Variants in AOAH observed in about 807,000 individuals in gnomAD.
The protein encoded by AOAH is acyloxyacyl hydrolase (neutrophil).
A neutral mutation model predicts 92.2 loss-of-function variants in AOAH; 64 were observed. The ratio of observed to expected loss-of-function variants is 0.69; its 90% confidence interval spans 0.57 to 0.86. AOAH has a LOEUF of 0.86. Ranked by LOEUF, AOAH falls within the 40% of genes least tolerant of loss-of-function variation. AOAH has a pLI of 0.00. For missense variants in AOAH, 656 were observed against 694.6 expected (o/e 0.94, Z 0.62); for synonymous variants, 263 against 254.5 (o/e 1.03, Z -0.32).
intron 13 of AOAH, among the ~76,000 whole-genome samples, chr7:36,551,597 T>C (rs921125824): frequency 7.9e-5 from 12 of 152,222 alleles, no homozygotes; most frequent in African/African-American, 2.4e-4. Flanking sequence ...AGGCACCTCA[T>C]GTAGATGGCT....
chr7:36,521,125 G>A (rs1217434961), intron 20 of AOAH, among the ~76,000 whole-genome samples: 1 of 152,096 alleles, frequency 6.6e-6, no homozygotes, highest in Non-Finnish European at 1.5e-5. Context: ...CAGCCCTCCT[G>A]TGGCCTAGGT....
At chr7:36,715,271 C>T (rs1197756432) in intron 1 of AOAH, among the ~76,000 whole-genome samples, 9 of 152,062 alleles carry the variant, frequency 5.9e-5, no homozygotes, top group Non-Finnish European at 8.8e-5. Flanking sequence ...TTACAAGGGA[C>T]ATGAAGGACC....
At chr7:36,641,904 G>C (rs139818063) in intron 4 of AOAH, among the ~76,000 whole-genome samples, 1 of 152,236 alleles carries the variant, frequency 6.6e-6, no homozygotes, top group East Asian at 1.9e-4. Context: ...TTGATCATCA[G>C]AGCACACAGT....
At chr7:36,587,512 T>C (rs1789429612) in intron 12 of AOAH, among the ~76,000 whole-genome samples, 1 of 152,152 alleles carries the variant, frequency 6.6e-6, no homozygotes, top group Non-Finnish European at 1.5e-5. Flanking sequence ...TTGGCCTGTC[T>C]TGCACTTTTA....
At chr7:36,592,320 C>A (rs1789800887) in intron 12 of AOAH, among the ~76,000 whole-genome samples, 1 of 152,106 alleles carries the variant, frequency 6.6e-6, no homozygotes, top group South Asian at 2.1e-4. Context: ...CAGGTAAAGA[C>A]AACAGAGGCT....
chr7:36,576,982 C>T (rs1005069677), intron 12 of AOAH, among the ~76,000 whole-genome samples: 1 of 151,088 alleles, frequency 6.6e-6, no homozygotes. Context: ...AATTGCTCAC[C>T]TTTACCGACT....
chr7:36,544,802 A>T lies in AOAH; in HGVS notation c.1133+3810T>A, dbSNP rs150037628. ...TTACCCTGGCAGGTAAGCCAGCCAG[A>T]TTTCACCTGGCTGGTGCTAGAGAGA... is the stretch of plus-strand genomic sequence containing the variant. On this transcript the variant is annotated intron_variant, in intron 15 of 20. Transcript: ENST00000617537. Among the ~76,000 whole-genome samples, 270 of 152,264 alleles carry T rather than the reference A, an allele frequency of 1.8e-3. 1 individual carries two copies. The highest frequency in any genetic ancestry group is 6.4e-3 in the African/African-American group (265 of 41,558).
chr7:36,614,072 G>T lies in AOAH; in HGVS notation c.846+2308C>A, dbSNP rs1273048598. 6.6e-6 allele frequency among the ~76,000 whole-genome samples: 1 copy of T among 152,162 alleles called. No homozygotes were observed. Among genetic ancestry groups the T allele is most frequent in the Non-Finnish European group, 1.5e-5 (1 of 68,036 alleles). ...ATAATTTCTGCGGGTTAATTTCTCTGGATCAGTTTCAGTTTTCTGGGAGAG... is the reference window on the plus strand; with the variant it reads ...ATAATTTCTGCGGGTTAATTTCTCTTGATCAGTTTCAGTTTTCTGGGAGAG... On this transcript the variant is annotated intron_variant, in intron 11 of 20. Transcript: ENST00000617537. This position sits in a 1 kb window ranked among gnomAD's most constrained non-coding sequence, Gnocchi z 4.2.
intron 12 of AOAH, among the ~76,000 whole-genome samples, chr7:36,578,779 T>C (rs1007526064): frequency 3.3e-5 from 5 of 152,244 alleles, no homozygotes; most frequent in African/African-American, 1.2e-4. Flanking sequence ...TTTGTTTCTT[T>C]CCTTAATTTT....
chr7:36,536,949 C>CAAAAAAAAA (rs11441171), intron 16 of AOAH, among the ~76,000 whole-genome samples: 1 of 47,462 alleles, frequency 2.1e-5, no homozygotes, highest in Non-Finnish European at 3.4e-5. Context: ...GACTTCATCT[C>CAAAAAAAAA]AAAAAAAAAA....
At position 36,551,662 on chromosome 7, in the gene AOAH, A is replaced by G. The variant is rs146695469; in HGVS notation, c.1022-2187T>C. 4.6e-5 allele frequency among the ~76,000 whole-genome samples: 7 copies of G among 152,190 alleles called. No homozygotes were observed. In the East Asian group the frequency reaches 1.4e-3, roughly 29 times the overall value. On this transcript the variant is annotated intron_variant, in intron 13 of 20. Coordinates refer to ENST00000617537, the MANE Select transcript of AOAH (RefSeq NM_001637.4). ...TTATTTTACTCAGTATAATGTCCTC[A>G]AGCTTCATTCATAACACATTTTGTT... is the stretch of plus-strand genomic sequence containing the variant.
chr7:36,672,297 CTTG>C (rs1322327141), intron 3 of AOAH, among the ~76,000 whole-genome samples: 3 of 152,180 alleles, frequency 2.0e-5, no homozygotes, highest in African/African-American at 7.2e-5. Context: ...GGGATGCTGT[CTTG>C]TGAACATCTC....
chr7:36,646,264 G>A (rs1233080522), intron 4 of AOAH, among the ~76,000 whole-genome samples: 1 of 152,196 alleles, frequency 6.6e-6, no homozygotes, highest in Non-Finnish European at 1.5e-5. Context: ...CCGGTGCTGA[G>A]TGAATTTTTC....
chr7:36,655,370 G>C (rs1017362570), intron 4 of AOAH, among the ~76,000 whole-genome samples: 3 of 152,108 alleles, frequency 2.0e-5, no homozygotes, highest in African/African-American at 7.2e-5. Context: ...TTACAGAGAA[G>C]GTGACCATTG....
At chr7:36,715,570 A>T (rs889060587) in intron 1 of AOAH, among the ~76,000 whole-genome samples, 1 of 151,270 alleles carries the variant, frequency 6.6e-6, no homozygotes, top group Non-Finnish European at 1.5e-5. Flanking sequence ...CCTGACTTCA[A>T]ACTATACTAC....
chr7:36,703,468 A>C (rs904563936), intron 1 of AOAH, among the ~76,000 whole-genome samples: 1 of 152,182 alleles, frequency 6.6e-6, no homozygotes, highest in Admixed American at 6.5e-5. Flanking sequence ...ATGGGTATAC[A>C]CGTGCCATGG....
At chr7:36,519,006 A>T (rs1054609494) in intron 20 of AOAH, among the ~76,000 whole-genome samples, 1 of 152,184 alleles carries the variant, frequency 6.6e-6, no homozygotes, top group African/African-American at 2.4e-5. Flanking sequence ...TTGGTCATTT[A>T]AAAAATCTTT....
intron 13 of AOAH, among the ~76,000 whole-genome samples, chr7:36,558,372 G>C (rs962822385): frequency 6.6e-6 from 1 of 152,178 alleles, no homozygotes; most frequent in Non-Finnish European, 1.5e-5. Context: ...GTACCCGGCC[G>C]TGTGAGGTGT....
chr7:36,639,687 A>T lies in AOAH; in HGVS notation c.391-1777T>A, dbSNP rs570800828. Among the ~76,000 whole-genome samples, 3 of 152,332 alleles carry T rather than the reference A, an allele frequency of 2.0e-5. No homozygotes were observed. The East Asian group carries it at 5.8e-4, about 29-fold the overall frequency. The stretch of plus-strand genomic sequence containing the variant: ...ACCAATTCAGTAATAAATGCTTTCA[A>T]AAAAGAGCTCAATCCATGTTGTCTT... On this transcript the variant is annotated intron_variant, in intron 4 of 20. Transcript: ENST00000617537.
Sources: gnomAD v4.1 joint callset for allele counts (sites outside exome capture counted in the v4.1 genomes callset) on GRCh38, gnomAD v4.1.1 for gene constraint, Gnocchi (gnomAD v3.1) non-coding constraint, MANE v1.5 for transcripts, NCBI Gene and HGNC (gene_info 2026-07-23, HGNC 2026-07-21) for gene names.